The following AGMO variants were observed in gnomAD, a reference collection of about 807,000 sequenced individuals.
AGMO encodes glyceryl-ether monooxygenase.
Under a neutral mutation model 60.2 loss-of-function variants are expected in AGMO, and 75 were observed. The observed-to-expected ratio is 1.25, with a 90% CI of 1.03 to 1.51. The LOEUF (loss-of-function observed/expected upper bound fraction) is 1.51. Ranked by LOEUF, AGMO falls within the 40% of genes most tolerant of loss-of-function variation. AGMO has a pLI of 0.00. For synonymous variants in AGMO, 261 were observed against 177.1 expected, an observed-to-expected ratio of 1.47 and a Z score of -3.76; for missense variants, 763 against 525.5, an observed-to-expected ratio of 1.45 and a Z score of -4.42.
chr7:15,237,090 G>A (rs1782445803), intron 12 of AGMO, among the ~76,000 whole-genome samples: 1 of 152,064 alleles, frequency 6.6e-6, no homozygotes. Context: ...TCTCAAATGT[G>A]CTTTGTAACT....
intron 4 of AGMO, among the ~76,000 whole-genome samples, chr7:15,427,559 C>A (rs1207598516): frequency 2.0e-5 from 3 of 151,996 alleles, no homozygotes; most frequent in African/African-American, 7.2e-5. Context: ...ACTTTAGTGC[C>A]TTTGCTCTGA....
intron 12 of AGMO, among the ~76,000 whole-genome samples, chr7:15,242,333 G>A (rs371941390): frequency 6.3e-4 from 96 of 152,266 alleles, no homozygotes; most frequent in African/African-American, 1.9e-3. Context: ...GGATCTTCCA[G>A]ATAGTGAGAA....
chr7:15,361,401 G>A (rs372787366), intron 12 of AGMO, among the ~76,000 whole-genome samples: 66 of 148,336 alleles, frequency 4.4e-4, no homozygotes, highest in African/African-American at 9.4e-4. Context: ...TTAGCCGGGC[G>A]TGGTGGCGGG....
At chr7:15,394,748 T>C (rs533981319) in intron 5 of AGMO, among the ~76,000 whole-genome samples, 1 of 152,220 alleles carries the variant, frequency 6.6e-6, no homozygotes, top group Non-Finnish European at 1.5e-5. Flanking sequence ...AACGACTTAC[T>C]ATTGCATCAG....
At chr7:15,193,425 G>A in the AGMO span, among the ~76,000 whole-genome samples, 41 of 152,082 alleles carry the variant, frequency 2.7e-4, no homozygotes, top group East Asian at 7.5e-3. Context: ...GTGAAATTAT[G>A]GCTTTTTAAA....
chr7:15,533,480 T>A (rs930158920), intron 3 of AGMO, among the ~76,000 whole-genome samples: 1 of 152,120 alleles, frequency 6.6e-6, no homozygotes, highest in Non-Finnish European at 1.5e-5. Context: ...AAATATGATT[T>A]ATATATCACT....
At chr7:15,130,610 A>T in the AGMO span, among the ~76,000 whole-genome samples, 8 of 152,184 alleles carry the variant, frequency 5.3e-5, no homozygotes, top group Non-Finnish European at 1.2e-4. Context: ...GATTGAAAAT[A>T]GGGGAACAGA....
At chr7:15,457,276 A>G (rs1782022540) in intron 3 of AGMO, among the ~76,000 whole-genome samples, 1 of 152,180 alleles carries the variant, frequency 6.6e-6, no homozygotes, top group Non-Finnish European at 1.5e-5. Context: ...TGATAAATGC[A>G]TATTTCCCTT....
chr7:15,452,596 A>G (rs565005982), intron 3 of AGMO, among the ~76,000 whole-genome samples: 163 of 152,330 alleles, frequency 1.1e-3, no homozygotes, highest in African/African-American at 3.6e-3. Context: ...AATGTTAGTG[A>G]GGATGTGGAG....
chr7:15,387,613 ATTATT>A (rs1327918506), intron 8 of AGMO, 73 bp from the exon 9 acceptor site: 19 of 1,347,324 alleles, frequency 1.4e-5, no homozygotes, highest in Non-Finnish European at 1.8e-5. Context: ...AGTTATGTAT[ATTATT>A]TTATTGTTCA....
intron 12 of AGMO, among the ~76,000 whole-genome samples, chr7:15,255,730 T>C (rs1444100419): frequency 1.3e-5 from 2 of 152,172 alleles, no homozygotes; most frequent in Admixed American, 6.5e-5. Context: ...ATAAAAGTTA[T>C]ACATTGCATT....
At chr7:15,164,210 G>A in the AGMO span, among the ~76,000 whole-genome samples, 1 of 152,004 alleles carries the variant, frequency 6.6e-6, no homozygotes, top group Non-Finnish European at 1.5e-5. Context: ...GAATGAGCTT[G>A]ACCCCTATCT....
chr7:15,161,849 C>T, the AGMO span, among the ~76,000 whole-genome samples: 1 of 151,992 alleles, frequency 6.6e-6, no homozygotes, highest in South Asian at 2.1e-4. Flanking sequence ...CACAGATGAA[C>T]AAGACATTGT....
At chr7:15,366,690 T>TG (rs1782997171) in intron 10 of AGMO, among the ~76,000 whole-genome samples, 1 of 152,042 alleles carries the variant, frequency 6.6e-6, no homozygotes, top group African/African-American at 2.4e-5. Flanking sequence ...TAAAGGAGAT[T>TG]ACACATATAC....
intron 12 of AGMO, among the ~76,000 whole-genome samples, chr7:15,215,426 A>G (rs372654321): frequency 2.0e-5 from 3 of 152,098 alleles, no homozygotes. Flanking sequence ...TGAAGACTCA[A>G]CACAGCTTGA....
chr7:15,488,769 G>T (rs1782988207), intron 3 of AGMO, among the ~76,000 whole-genome samples: 1 of 151,520 alleles, frequency 6.6e-6, no homozygotes, highest in African/African-American at 2.4e-5. Flanking sequence ...TTGCATATTT[G>T]TGCCCAAGCT....
At chr7:15,224,898 C>A (rs1005830169) in intron 12 of AGMO, among the ~76,000 whole-genome samples, 3 of 151,910 alleles carry the variant, frequency 2.0e-5, no homozygotes, top group Admixed American at 2.0e-4. Flanking sequence ...GATATTGGCA[C>A]AATTTCAAAT....
At position 15,354,452 on chromosome 7, in the gene AGMO, G is replaced by GTGTA. The variant is rs1782419658; in HGVS notation, c.1263+11061_1263+11062insTACA. Among the ~76,000 whole-genome samples, 3 of 22,220 alleles carry GTGTA rather than the reference G, an allele frequency of 1.4e-4. 1 individual carries two copies. The highest frequency in any genetic ancestry group is 2.2e-4 in the Non-Finnish European group (3 of 13,860). 14.6% of individuals were successfully genotyped at this position (22,220 alleles called of 152,430 possible). A position where few individuals can be genotyped will look rare whatever the true frequency, so the allele number is the denominator to read the frequency against. ...CACGTGTGTGTATACACACGTGTGT[G>GTGTA]TATACACACGTGTGTGTATACACAC... On this transcript the variant is annotated intron_variant, in intron 12 of 12. Transcript: ENST00000342526.
chr7:15,480,868 C>T (rs1336483131), intron 3 of AGMO, among the ~76,000 whole-genome samples: 1 of 149,806 alleles, frequency 6.7e-6, no homozygotes, highest in Non-Finnish European at 1.5e-5. Flanking sequence ...TTGTTTTGGC[C>T]ATGGTGAGTC....
Sources: allele counts gnomAD v4.1 joint callset (sites outside exome capture counted in the v4.1 genomes callset), GRCh38; gene constraint gnomAD v4.1.1; transcripts MANE v1.5; gene names NCBI Gene and HGNC (gene_info 2026-07-23, HGNC 2026-07-21).